The following ALK variants were observed in gnomAD, a reference collection of about 807,000 sequenced individuals.
ALK encodes the protein ALK tyrosine kinase receptor.
In ALK, 74 loss-of-function variants were observed where a neutral mutation model predicts 163.1. The ratio of observed to expected loss-of-function variants is 0.45; its 90% CI spans 0.38 to 0.55. The LOEUF (loss-of-function observed/expected upper bound fraction) is 0.55, where lower values mean the gene tolerates loss of function less well. ALK is among the 20% of genes least tolerant of loss of function. ALK has a pLI of 0.00. For synonymous variants in ALK, 960 were observed against 843.2 expected (o/e 1.14, Z -2.40); for missense variants, 2,063 against 2,105.3 (o/e 0.98, Z 0.39).
chr2:29,886,976 C>A (rs1021601605), intron 1 of ALK, among the ~76,000 whole-genome samples: 2 of 152,172 alleles, frequency 1.3e-5, no homozygotes, highest in African/African-American at 4.8e-5. Context: ...CCCACCCAAG[C>A]ATTTTGACTA....
intron 2 of ALK, among the ~76,000 whole-genome samples, chr2:29,699,029 TG>T (rs1354030048): frequency 1.3e-5 from 2 of 152,214 alleles, no homozygotes; most frequent in Non-Finnish European, 2.9e-5. Context: ...TTATTTTCCT[TG>T]GGCCTCTTCC....
chr2:29,259,417 A>G (rs549296578), intron 11 of ALK, among the ~76,000 whole-genome samples: 63 of 152,228 alleles, frequency 4.1e-4, no homozygotes, highest in African/African-American at 1.5e-3. Flanking sequence ...TATTGCTCAC[A>G]CCAGTCATTA....
At chr2:29,403,519 C>T (rs570639422) in intron 4 of ALK, among the ~76,000 whole-genome samples, 2 of 152,008 alleles carry the variant, frequency 1.3e-5, no homozygotes, top group African/African-American at 4.8e-5. Context: ...GTTCCAAAAT[C>T]ACTTCTTCAA....
At chr2:29,745,137 G>A (rs1211079883) in intron 1 of ALK, among the ~76,000 whole-genome samples, 1 of 152,168 alleles carries the variant, frequency 6.6e-6, no homozygotes, top group Non-Finnish European at 1.5e-5. Flanking sequence ...CTAGGCACTA[G>A]ACTGAATGGT....
intron 3 of ALK, among the ~76,000 whole-genome samples, chr2:29,605,610 C>T (rs899210485): frequency 5.9e-5 from 9 of 152,148 alleles, no homozygotes; most frequent in Admixed American, 4.6e-4. Context: ...TCTCTTTCTT[C>T]CACGTGATCA....
rs77100915 is a variant in ALK at position 29,304,533 on chromosome 2, A to T, written c.1648-7476T>A. Among the ~76,000 whole-genome samples, 1,486 of 151,848 alleles carry T rather than the reference A, an allele frequency of 9.8e-3. 26 individuals carry two copies. Among genetic ancestry groups the T allele is most frequent in the African/African-American group, 0.032 (1,338 of 41,406 alleles). ...AAAAGAAAAGAAAAAAGAAATGCAG[A>T]ATCTCTGGCCTGATGCCAAATCCCT... On this transcript the variant is annotated intron_variant, in intron 8 of 28. Coordinates refer to ENST00000389048, the MANE Select transcript of ALK (RefSeq NM_004304.5).
At chr2:29,739,503 A>G (rs1679991641) in intron 1 of ALK, among the ~76,000 whole-genome samples, 1 of 150,702 alleles carries the variant, frequency 6.6e-6, no homozygotes, top group South Asian at 2.1e-4. Context: ...GATTGCAGTG[A>G]GCCGAGATTG....
At chr2:29,730,141 C>A (rs183092278) in intron 1 of ALK, among the ~76,000 whole-genome samples, 1 of 152,168 alleles carries the variant, frequency 6.6e-6, no homozygotes, top group Non-Finnish European at 1.5e-5. Context: ...CCATTAAATG[C>A]GGCACAAGCT....
chr2:29,331,691 C>T (rs998678569), intron 5 of ALK, among the ~76,000 whole-genome samples: 19 of 152,100 alleles, frequency 1.2e-4, no homozygotes, highest in African/African-American at 4.1e-4. Context: ...GGGGAGCTGA[C>T]GGGGCTGTGT....
intron 6 of ALK, among the ~76,000 whole-genome samples, chr2:29,325,146 G>C (rs1004370073): frequency 6.6e-6 from 1 of 152,132 alleles, no homozygotes; most frequent in Non-Finnish European, 1.5e-5. Context: ...AACCATGGCA[G>C]GGTTTGGTCA....
chr2:29,734,114 G>A (rs1313251678), intron 1 of ALK, among the ~76,000 whole-genome samples: 4 of 152,144 alleles, frequency 2.6e-5, no homozygotes, highest in Non-Finnish European at 4.4e-5. Flanking sequence ...AACAAGCAGC[G>A]GGAAAGGGCA....
intron 5 of ALK, among the ~76,000 whole-genome samples, chr2:29,347,640 A>G (rs900568613): frequency 1.8e-4 from 27 of 152,124 alleles, no homozygotes; most frequent in African/African-American, 6.3e-4. Flanking sequence ...GGTCCCATCC[A>G]CTCCTAAGAT....
intron 3 of ALK, among the ~76,000 whole-genome samples, chr2:29,619,852 G>A (rs1006111043): frequency 9.2e-5 from 14 of 152,156 alleles, no homozygotes; most frequent in South Asian, 2.1e-4. Flanking sequence ...AGGATGGAGC[G>A]GTGCCAGGAG....
intron 4 of ALK, among the ~76,000 whole-genome samples, chr2:29,509,401 A>G (rs1672445899): frequency 6.6e-6 from 1 of 152,164 alleles, no homozygotes; most frequent in Non-Finnish European, 1.5e-5. Flanking sequence ...TTAAGAGTAA[A>G]TTAGATCAGC....
In ALK at chr2:29,897,612, A is replaced by G. The variant is rs141727130; in HGVS notation, c.667+22381T>C. On this transcript the variant is annotated intron_variant, in intron 1 of 28. Transcript: ENST00000389048. Reference sequence around the variant, plus strand: ...AGTCAGCAGTGTGGCACTGTGAGACAGGGTGCTAAAGCCTCAAGACCTCCT... The same window carrying G: ...AGTCAGCAGTGTGGCACTGTGAGACGGGGTGCTAAAGCCTCAAGACCTCCT... Among the ~76,000 whole-genome samples, 456 of 152,304 alleles carry G rather than the reference A, an allele frequency of 3.0e-3. 4 individuals are homozygous for G. Among genetic ancestry groups the G allele is most frequent in the African/African-American group, 0.01 (430 of 41,570 alleles).
At chr2:29,790,990 G>A (rs1056627758) in intron 1 of ALK, among the ~76,000 whole-genome samples, 8 of 152,136 alleles carry the variant, frequency 5.3e-5, no homozygotes, top group African/African-American at 1.9e-4. Context: ...ATCTGTATCT[G>A]GGTCCACCTC....
chr2:29,440,360 T>C (rs2148080651), intron 4 of ALK, among the ~76,000 whole-genome samples: 1 of 141,476 alleles, frequency 7.1e-6, no homozygotes, highest in South Asian at 2.2e-4. Flanking sequence ...TGTTGCCAAG[T>C]AGCTGGAGTG....
chr2:29,290,538 G>C (rs72790288), intron 9 of ALK, among the ~76,000 whole-genome samples: 9 of 152,270 alleles, frequency 5.9e-5, no homozygotes, highest in Non-Finnish European at 8.8e-5. Context: ...GAGCAGATGT[G>C]GGGGGCACCC....
At chr2:29,739,240 T>TA (rs57381961) in intron 1 of ALK, among the ~76,000 whole-genome samples, 1,224 of 40,336 alleles carry the variant, frequency 0.03, 110 homozygotes, top group African/African-American at 0.077. Flanking sequence ...CAGTCTCTCT[T>TA]AAAAAAAAAA....
Sources: gnomAD v4.1 joint callset for allele counts (sites outside exome capture counted in the v4.1 genomes callset) on GRCh38, gnomAD v4.1.1 for gene constraint, MANE v1.5 for transcripts, NCBI Gene and HGNC (gene_info 2026-07-23, HGNC 2026-07-21) for gene names.